Variants in SCARA5 observed in about 807,000 individuals in gnomAD.
SCARA5 encodes the protein scavenger receptor class A, member 5 (putative).
In SCARA5, 45 loss-of-function variants were observed where a neutral mutation model predicts 46.3. The ratio of observed to expected loss-of-function variants is 0.97; its 90% CI spans 0.76 to 1.24. SCARA5 has a LOEUF of 1.24. SCARA5 is among the 50% of genes most tolerant of loss of function. The probability of loss-of-function intolerance (pLI) is 0.00; values close to 1 mark genes in which losing one functional copy is unlikely to be tolerated. For missense variants in SCARA5, 680 were observed against 689.0 expected (o/e 0.99, Z 0.15); for synonymous variants, 333 against 306.5 (o/e 1.09, Z -0.90).
At chr8:27,964,808 T>A (rs1319852887) in intron 3 of SCARA5, among the ~76,000 whole-genome samples, 1 of 151,846 alleles carries the variant, frequency 6.6e-6, no homozygotes, top group Non-Finnish European at 1.5e-5. Context: ...CTGGTCCCTC[T>A]CCTCCAGACC....
intron 4 of SCARA5, among the ~76,000 whole-genome samples, chr8:27,916,831 T>C (rs551991169): frequency 8.7e-4 from 132 of 152,250 alleles, no homozygotes; most frequent in African/African-American, 3.0e-3. Context: ...AGTGCAGTGA[T>C]CTGAGTGTTT....
intron 7 of SCARA5, chr8:27,903,142 G>T (rs1807186672): frequency 6.6e-6 from 1 of 152,188 alleles, no homozygotes; most frequent in Non-Finnish European, 1.5e-5. Context: ...GTCTCCTTCT[G>T]GTCCTGCACA....
At chr8:27,895,666 G>T (rs537183612) in intron 7 of SCARA5, among the ~76,000 whole-genome samples, 5 of 152,202 alleles carry the variant, frequency 3.3e-5, no homozygotes, top group African/African-American at 7.2e-5. Context: ...AGGCGGCCAC[G>T]CCAGGACCAC....
At chr8:27,892,554 G>T (rs189180987) in intron 7 of SCARA5, among the ~76,000 whole-genome samples, 24 of 151,436 alleles carry the variant, frequency 1.6e-4, no homozygotes, top group Admixed American at 7.9e-4. Context: ...TCAGGAGCAG[G>T]ATTGGAATCT....
chr8:27,896,339 C>G (rs1243068326), intron 7 of SCARA5, among the ~76,000 whole-genome samples: 3 of 152,130 alleles, frequency 2.0e-5, no homozygotes, highest in Non-Finnish European at 4.4e-5. Flanking sequence ...TGCCCTAGTT[C>G]CTATCCCAGT....
At chr8:27,979,985 G>A (rs767302408) in intron 2 of SCARA5, among the ~76,000 whole-genome samples, 32 of 152,168 alleles carry the variant, frequency 2.1e-4, no homozygotes, top group Non-Finnish European at 4.6e-4. Context: ...CCAATGACGT[G>A]CCCACACCCT....
chr8:27,956,873 C>T (rs1236031768), intron 3 of SCARA5, among the ~76,000 whole-genome samples: 2 of 152,188 alleles, frequency 1.3e-5, no homozygotes, highest in South Asian at 2.1e-4. Context: ...AGCCAAGACA[C>T]GATGCCTGCA....
chr8:27,879,422 G>A (rs1806773189), intron 8 of SCARA5, 147 bp downstream of exon 8: 11 of 708,152 alleles, frequency 1.6e-5, no homozygotes, highest in Middle Eastern at 2.5e-4. Context: ...CTGGGGCGGG[G>A]CAGTGAGTTC....
At chr8:27,881,891 A>C (rs1396917743) in intron 7 of SCARA5, among the ~76,000 whole-genome samples, 1 of 152,144 alleles carries the variant, frequency 6.6e-6, no homozygotes, top group African/African-American at 2.4e-5. Flanking sequence ...AGAGTCCACA[A>C]TTTACATTTG....
chr8:27,909,499 C>T (rs17058202), intron 5 of SCARA5, among the ~76,000 whole-genome samples, 164 bp downstream of exon 5: 1,988 of 152,252 alleles, frequency 0.013, 92 homozygotes, highest in East Asian at 0.13. Flanking sequence ...TGCATCCCAC[C>T]GTGACACCAG....
At chr8:27,968,128 AG>A (rs1808397090) in intron 2 of SCARA5, among the ~76,000 whole-genome samples, 1 of 152,182 alleles carries the variant, frequency 6.6e-6, no homozygotes, top group South Asian at 2.1e-4. Context: ...TGGCCTCAGG[AG>A]GTTTTATGAC....
Position 27,891,680 on chromosome 8 carries a change from C to T in SCARA5, c.1154-11914G>A, listed in dbSNP as rs148080856. 3.9e-3 allele frequency among the ~76,000 whole-genome samples: 598 copies of T among 152,326 alleles called. 4 individuals carry two copies. Among genetic ancestry groups the T allele is most frequent in the African/African-American group, 0.014 (565 of 41,574 alleles). ...TGCAGAAGCCTCACTGTGATAAGCA[C>T]CAGTTATCAAACCCAGATGGGTTTT... On this transcript the variant is annotated intron_variant, in intron 7 of 8. Coordinates refer to ENST00000354914, the MANE Select transcript of SCARA5 (RefSeq NM_173833.6).
At chr8:27,911,470 T>C (rs762771781) in intron 4 of SCARA5, among the ~76,000 whole-genome samples, 17 of 152,170 alleles carry the variant, frequency 1.1e-4, no homozygotes, top group Non-Finnish European at 1.6e-4. Context: ...GGAGGGTGGA[T>C]CACCTGAGGT....
intron 2 of SCARA5, among the ~76,000 whole-genome samples, chr8:27,984,223 A>T (rs1395017272): frequency 2.0e-5 from 3 of 152,154 alleles, no homozygotes; most frequent in Admixed American, 2.0e-4. Context: ...TCTGGCTTGA[A>T]TTTCCCCAAG....
At chr8:27,877,081 C>A (rs1174912503) in intron 8 of SCARA5, among the ~76,000 whole-genome samples, 1 of 152,184 alleles carries the variant, frequency 6.6e-6, no homozygotes, top group African/African-American at 2.4e-5. Context: ...CTCTGCCCCC[C>A]AGCCCTGCAG....
chr8:27,937,704 A>T (rs1405391218), intron 3 of SCARA5, among the ~76,000 whole-genome samples: 1 of 152,048 alleles, frequency 6.6e-6, no homozygotes, highest in Non-Finnish European at 1.5e-5. Flanking sequence ...TCTGAGCTCC[A>T]GGGGTTGGCA....
At chr8:27,904,727 G>T in intron 7 of SCARA5, 51 bp downstream of exon 7, 1 of 1,511,738 alleles carries the variant, frequency 6.6e-7, no homozygotes, top group South Asian at 1.1e-5. Context: ...TTGGGGGACA[G>T]CTAGCCCTGT....
At chr8:27,955,182 A>G (rs1313825738) in intron 3 of SCARA5, among the ~76,000 whole-genome samples, 1 of 151,896 alleles carries the variant, frequency 6.6e-6, no homozygotes, top group Non-Finnish European at 1.5e-5. Context: ...TGTTACTGGC[A>G]CCCCCACTAG....
At chr8:27,947,099 C>T (rs1244897795) in intron 3 of SCARA5, among the ~76,000 whole-genome samples, 3 of 151,654 alleles carry the variant, frequency 2.0e-5, no homozygotes, top group East Asian at 1.9e-4. Flanking sequence ...GCAACCTCTG[C>T]CTCCCAAGTT....
Sources: gnomAD v4.1 joint callset for allele counts (sites outside exome capture counted in the v4.1 genomes callset) on GRCh38, gnomAD v4.1.1 for gene constraint, MANE v1.5 for transcripts, NCBI Gene and HGNC (gene_info 2026-07-23, HGNC 2026-07-21) for gene names.